PIWIL1: variants seen among roughly 807,000 people sequenced by gnomAD.
PIWIL1 encodes piwi like RNA-mediated gene silencing 1, also known as piwi-like protein 1.
In PIWIL1, 73 loss-of-function variants were observed where a neutral mutation model predicts 114.4. The ratio of observed to expected loss-of-function variants is 0.64; its 90% CI spans 0.53 to 0.78. PIWIL1 has a LOEUF of 0.78. Among genes scored for constraint, PIWIL1 ranks in the 30% least tolerant of loss-of-function variants. The pLI, the probability that PIWIL1 is intolerant of heterozygous loss-of-function variation, is 0.00. For synonymous variants in PIWIL1, 375 were observed against 369.0 expected, an observed-to-expected ratio of 1.02 and a Z score of -0.19; for missense variants, 723 against 1,063.1, an observed-to-expected ratio of 0.68 and a Z score of 4.45.
chr12:130,418,667 G>C, the PIWIL1 span, among the ~76,000 whole-genome samples: 10 of 152,292 alleles, frequency 6.6e-5, no homozygotes, highest in African/African-American at 2.4e-4. Context: ...CGTGCAGAGG[G>C]GTCAGGGGCT....
the PIWIL1 span, among the ~76,000 whole-genome samples, chr12:130,410,651 C>G: frequency 6.6e-6 from 1 of 152,136 alleles, no homozygotes; most frequent in Non-Finnish European, 1.5e-5. Context: ...TTACCTTTGT[C>G]CAAAATCAGT....
At chr12:130,368,073 C>T (rs1230897899) in intron 19 of PIWIL1, among the ~76,000 whole-genome samples, 1 of 152,200 alleles carries the variant, frequency 6.6e-6, no homozygotes, top group Non-Finnish European at 1.5e-5. Context: ...GCTGGGATTA[C>T]AGGCATGAGC....
At chr12:130,340,440 A>G (rs549309944) in intron 1 of PIWIL1, among the ~76,000 whole-genome samples, 248 of 152,058 alleles carry the variant, frequency 1.6e-3, no homozygotes, top group African/African-American at 5.6e-3. Flanking sequence ...GATTCTCATA[A>G]GGAGCAGGCA....
chr12:130,359,832 G>A (rs2073461364), intron 14 of PIWIL1, among the ~76,000 whole-genome samples: 1 of 152,192 alleles, frequency 6.6e-6, no homozygotes, highest in Non-Finnish European at 1.5e-5. Context: ...AAGTGGTAAG[G>A]AAAATTATGA....
the PIWIL1 span, chr12:130,422,663 G>A: frequency 2.4e-5 from 19 of 798,404 alleles, no homozygotes; most frequent in Non-Finnish European, 2.9e-5. The surrounding 1 kb of genome is among the most constrained non-coding windows in gnomAD (Gnocchi z 5.2). Context: ...ATCTGTAAAG[G>A]CAACTAAACT....
At chr12:130,413,061 A>G in the PIWIL1 span, among the ~76,000 whole-genome samples, 1 of 152,046 alleles carries the variant, frequency 6.6e-6, no homozygotes, top group Non-Finnish European at 1.5e-5. Context: ...GGATGAATGC[A>G]TGTTATTTAA....
the PIWIL1 span, chr12:130,406,036 A>C: frequency 3.2e-6 from 2 of 631,488 alleles, no homozygotes; most frequent in Admixed American, 6.0e-5. Context: ...AACTCAGCCA[A>C]TTAAGCAAAG....
chr12:130,346,816 TA>T (rs140152601), intron 5 of PIWIL1, 124 bp from the exon 6 acceptor site: 43 of 1,252,564 alleles, frequency 3.4e-5, no homozygotes, highest in Admixed American at 5.5e-5. Flanking sequence ...CAGAGCCATT[TA>T]AAAAAAATCC....
At chr12:130,391,335 C>A in the PIWIL1 span, among the ~76,000 whole-genome samples, 3 of 152,238 alleles carry the variant, frequency 2.0e-5, no homozygotes, top group Non-Finnish European at 2.9e-5. Flanking sequence ...CTCTCCTTTT[C>A]CCTCACAGTG....
the PIWIL1 span, among the ~76,000 whole-genome samples, chr12:130,391,298 T>C: frequency 6.6e-6 from 1 of 152,212 alleles, no homozygotes; most frequent in Non-Finnish European, 1.5e-5. Context: ...GAGACAGCGC[T>C]GGAAATTCTC....
intron 1 of PIWIL1, among the ~76,000 whole-genome samples, chr12:130,340,444 G>A (rs559085570): frequency 2.0e-4 from 30 of 152,114 alleles, no homozygotes; most frequent in Non-Finnish European, 3.4e-4. Context: ...CTCATAAGGA[G>A]CAGGCAGCCC....
At chr12:130,396,087 T>C in the PIWIL1 span, 1 of 151,934 alleles carries the variant, frequency 6.6e-6, no homozygotes, top group African/African-American at 2.4e-5. Context: ...AGGAAGTCAG[T>C]TATCCCGCTA....
the PIWIL1 span, among the ~76,000 whole-genome samples, chr12:130,403,476 A>G: frequency 3.3e-5 from 5 of 152,352 alleles, no homozygotes; most frequent in Non-Finnish European, 7.3e-5. Flanking sequence ...CATTGTTTCT[A>G]CATGTGAAAA....
rs771488646 is a variant in PIWIL1, at chr12:130,354,905, C to T, written c.1189C>T (p.Arg397Cys). 3.7e-6 allele frequency: 6 copies of T among 1,610,946 alleles called. No individual in the cohort carries two copies. The highest frequency in any genetic ancestry group is 1.3e-5 in the African/African-American group (1 of 74,950). The change falls in exon 11 of 21, where the codon CGT (arginine) becomes TGT (cysteine). Residue 397 changes from arginine (R) to cysteine (C), a missense_variant. Around this residue, in one of 8 missense-constraint regions of PIWIL1, gnomAD observed 298 missense variants for 420.8 expected, o/e 0.71. Coordinates refer to ENST00000245255, the MANE Select transcript of PIWIL1 (RefSeq NM_004764.5). ...CYLTGLTDKM[R>C]NDFNVMKDLA... ...ATTTAAAGGTCTAACTGATAAAATG[C>T]GTAATGATTTTAACGTGATGAAAGA...
the PIWIL1 span, among the ~76,000 whole-genome samples, chr12:130,422,066 C>T: frequency 4.5e-4 from 68 of 152,280 alleles, no homozygotes; most frequent in African/African-American, 1.5e-3. The surrounding 1 kb of genome is among the most constrained non-coding windows in gnomAD (Gnocchi z 5.2). Flanking sequence ...AGCATTCCCT[C>T]GGGTGGGGCT....
the PIWIL1 span, chr12:130,398,003 G>A: frequency 6.6e-6 from 1 of 152,298 alleles, no homozygotes; most frequent in South Asian, 2.1e-4. Flanking sequence ...TGGGGTGGTT[G>A]GTATACTATA....
chr12:130,393,138 T>G, the PIWIL1 span, among the ~76,000 whole-genome samples: 17 of 143,310 alleles, frequency 1.2e-4, no homozygotes, highest in East Asian at 5.9e-4. Context: ...AATGTTGTGA[T>G]GACCCGGTCA....
chr12:130,402,713 C>G, the PIWIL1 span, among the ~76,000 whole-genome samples: 3 of 152,216 alleles, frequency 2.0e-5, no homozygotes, highest in Non-Finnish European at 4.4e-5. Context: ...GGCTGAAAGG[C>G]AGAAAACACC....
At chr12:130,401,340 T>A in the PIWIL1 span, among the ~76,000 whole-genome samples, 3 of 152,124 alleles carry the variant, frequency 2.0e-5, no homozygotes, top group Non-Finnish European at 4.4e-5. Flanking sequence ...GGTCTCGAAC[T>A]CCTGACCTCA....
Sources: allele counts gnomAD v4.1 joint callset (sites outside exome capture counted in the v4.1 genomes callset), GRCh38; gene constraint gnomAD v4.1.1; regional missense constraint gnomAD v4.1.1; non-coding constraint Gnocchi (gnomAD v3.1); transcripts MANE v1.5; gene names NCBI Gene and HGNC (gene_info 2026-07-23, HGNC 2026-07-21).